Variants in DTNB observed in about 807,000 individuals in gnomAD.
The protein encoded by DTNB is DTN-B.
A neutral mutation model predicts 90.7 loss-of-function variants in DTNB; 63 were observed. That is an observed-to-expected ratio of 0.69 (90% CI 0.57 to 0.86). DTNB has a LOEUF of 0.86. DTNB is among the 40% of genes least tolerant of loss of function. The pLI is 0.00. For missense variants in DTNB, 744 were observed against 807.1 expected, an observed-to-expected ratio of 0.92 and a Z score of 0.95; for synonymous variants, 277 against 286.7, an observed-to-expected ratio of 0.97 and a Z score of 0.34.
intron 9 of DTNB, among the ~76,000 whole-genome samples, chr2:25,483,876 C>T (rs906524967): frequency 1.3e-5 from 2 of 152,210 alleles, no homozygotes; most frequent in Non-Finnish European, 2.9e-5. Context: ...TGACAAACCA[C>T]ATACATTATA....
At chr2:25,663,086 CTG>C (rs1191275033) in intron 1 of DTNB, among the ~76,000 whole-genome samples, 1 of 151,972 alleles carries the variant, frequency 6.6e-6, no homozygotes, top group Non-Finnish European at 1.5e-5. Context: ...CAACAGGCCC[CTG>C]TGTGTGTTGT....
At chr2:25,468,522 G>C (rs1317602943) in intron 10 of DTNB, among the ~76,000 whole-genome samples, 3 of 152,172 alleles carry the variant, frequency 2.0e-5, no homozygotes, top group East Asian at 3.8e-4. Context: ...GCAAGGACGG[G>C]AGTCCAAAGA....
intron 9 of DTNB, among the ~76,000 whole-genome samples, chr2:25,486,982 T>C (rs1365178820): frequency 6.6e-6 from 1 of 152,168 alleles, no homozygotes; most frequent in Non-Finnish European, 1.5e-5. Flanking sequence ...TCTTTGTTAA[T>C]AAGATATACC....
intron 9 of DTNB, among the ~76,000 whole-genome samples, chr2:25,529,525 T>C (rs908880767): frequency 2.0e-5 from 3 of 151,348 alleles, no homozygotes; most frequent in African/African-American, 7.3e-5. Flanking sequence ...AATTGCATTA[T>C]GGGGAACAGA....
chr2:25,522,999 C>T (rs780742262), intron 9 of DTNB, among the ~76,000 whole-genome samples: 43 of 152,266 alleles, frequency 2.8e-4, no homozygotes, highest in Non-Finnish European at 4.6e-4. Context: ...CCGCACCAGG[C>T]CTGGAGTCCA....
At chr2:25,641,825 C>CT (rs767158406) in intron 2 of DTNB, among the ~76,000 whole-genome samples, 1 of 152,080 alleles carries the variant, frequency 6.6e-6, no homozygotes, top group Admixed American at 6.6e-5. Context: ...ACTTCAAAGT[C>CT]TTTTTTGTTT....
At chr2:25,416,064 C>T (rs1173585526) in intron 16 of DTNB, among the ~76,000 whole-genome samples, 1 of 152,174 alleles carries the variant, frequency 6.6e-6, no homozygotes, top group Non-Finnish European at 1.5e-5. Context: ...GTGAGGCACT[C>T]CTGTGGGACA....
intron 6 of DTNB, among the ~76,000 whole-genome samples, chr2:25,583,679 G>A (rs1054996109): frequency 7.2e-5 from 11 of 151,878 alleles, no homozygotes; most frequent in Non-Finnish European, 1.6e-4. Flanking sequence ...GCGCCACCAC[G>A]CCCAGCTAAT....
At chr2:25,417,013 A>G (rs759903060) in intron 16 of DTNB, among the ~76,000 whole-genome samples, 9 of 152,204 alleles carry the variant, frequency 5.9e-5, no homozygotes, top group Non-Finnish European at 1.2e-4. Flanking sequence ...ATTCAGTCCA[A>G]ATTTGAGCCT....
chr2:25,443,694 T>C (rs184562739), intron 12 of DTNB, among the ~76,000 whole-genome samples: 133 of 152,356 alleles, frequency 8.7e-4, no homozygotes, highest in African/African-American at 3.1e-3. Context: ...TTGAAGGCAG[T>C]GATTCCCAAG....
At chr2:25,607,844 A>C (rs937078112) in intron 4 of DTNB, among the ~76,000 whole-genome samples, 1 of 152,218 alleles carries the variant, frequency 6.6e-6, no homozygotes, top group Non-Finnish European at 1.5e-5. Context: ...TTATTCTAAG[A>C]AGCTCAATCA....
intron 16 of DTNB, among the ~76,000 whole-genome samples, chr2:25,418,940 T>C (rs1328892862): frequency 6.6e-6 from 1 of 152,096 alleles, no homozygotes; most frequent in Non-Finnish European, 1.5e-5. Flanking sequence ...CCAAACACCA[T>C]GCAATAGCCA....
At chr2:25,465,282 A>T (rs1435695697) in intron 10 of DTNB, among the ~76,000 whole-genome samples, 1 of 151,732 alleles carries the variant, frequency 6.6e-6, no homozygotes, top group Non-Finnish European at 1.5e-5. Flanking sequence ...AGGCTGAGGC[A>T]GGAGAATGGG....
chr2:25,492,373 C>A (rs1465479554), intron 9 of DTNB, among the ~76,000 whole-genome samples: 1 of 152,078 alleles, frequency 6.6e-6, no homozygotes, highest in Non-Finnish European at 1.5e-5. Flanking sequence ...ATTATATAAA[C>A]CAGACTGTTG....
chr2:25,514,681 CTTTTT>C (rs560287104), intron 9 of DTNB, among the ~76,000 whole-genome samples: 3 of 98,856 alleles, frequency 3.0e-5, no homozygotes, highest in African/African-American at 1.3e-4. Context: ...TGAAAAAAAT[CTTTTT>C]TTTTTTTTTT....
chr2:25,491,261 G>C (rs1422444684), intron 9 of DTNB, among the ~76,000 whole-genome samples: 1 of 152,032 alleles, frequency 6.6e-6, no homozygotes, highest in Non-Finnish European at 1.5e-5. Context: ...TAGAAAACCT[G>C]TGAAATGGTT....
At chr2:25,637,025 G>T (rs911957514) in intron 3 of DTNB, among the ~76,000 whole-genome samples, 1 of 151,852 alleles carries the variant, frequency 6.6e-6, no homozygotes, top group African/African-American at 2.4e-5. Context: ...GCAAAACCAG[G>T]TCTAACAGAG....
At chr2:25,633,915 G>A (rs999930316) in intron 3 of DTNB, among the ~76,000 whole-genome samples, 2 of 151,958 alleles carry the variant, frequency 1.3e-5, no homozygotes, top group East Asian at 2.0e-4. Context: ...CGTCTGAGAA[G>A]TGAGGAGACC....
At chr2:25,528,001 C>A (rs1558891985) in intron 9 of DTNB, among the ~76,000 whole-genome samples, 1 of 152,096 alleles carries the variant, frequency 6.6e-6, no homozygotes. Flanking sequence ...TAGCCAAAAT[C>A]TAAACAAAAT....
Sources: gnomAD v4.1 joint callset for allele counts (sites outside exome capture counted in the v4.1 genomes callset) on GRCh38, gnomAD v4.1.1 for gene constraint, MANE v1.5 for transcripts, NCBI Gene and HGNC (gene_info 2026-07-23, HGNC 2026-07-21) for gene names.